The following NFATC4 variants were observed in gnomAD, a reference collection of about 807,000 sequenced individuals.
NFATC4 encodes nuclear factor of activated T-cells, cytoplasmic 4.
In NFATC4, 25 loss-of-function variants were observed where a neutral mutation model predicts 73.4. That is an observed-to-expected ratio of 0.34 (90% CI 0.25 to 0.48). The LOEUF is 0.48. Ranked by LOEUF, NFATC4 falls within the 20% of genes least tolerant of loss-of-function variation. NFATC4 has a pLI of 0.99. For synonymous variants in NFATC4, 523 were observed against 510.3 expected, an observed-to-expected ratio of 1.02 and a Z score of -0.34; for missense variants, 1,130 against 1,203.7, an observed-to-expected ratio of 0.94 and a Z score of 0.91.
chr14:24,368,563 T>C, intron 1 of NFATC4, 123 bp downstream of exon 1: 1 of 671,372 alleles, frequency 1.5e-6, no homozygotes, highest in Admixed American at 7.5e-5. Flanking sequence ...TCGAAGGGAG[T>C]CGGGGGGACT....
upstream of NFATC4, chr14:24,367,013 CG>C (rs2042326899): frequency 6.2e-7 from 1 of 1,610,264 alleles, no homozygotes; most frequent in East Asian, 2.2e-5. Context: ...ACTGGAGACG[CG>C]GCCTCTAAGA....
chr14:24,372,251 T>G, intron 2 of NFATC4, 190 bp from the exon 3 acceptor site: 6 of 619,056 alleles, frequency 9.7e-6, no homozygotes, highest in East Asian at 2.9e-5. Flanking sequence ...GATTTCTTCA[T>G]TTCTTTGTCC....
In NFATC4 at chr14:24,369,839, C is replaced by T. The variant is rs745627001; in HGVS notation, c.441C>T (p.Pro147=). The T allele has an allele frequency of 1.9e-6, 3 of 1,606,392 alleles. No homozygotes were observed. The highest frequency in any genetic ancestry group is 1.1e-5 in the South Asian group (1 of 90,258). ...AWGDGSPRDY[P]PPEGFGGYRE... ...GGGACGGCTCTCCTAGAGATTACCC[C>T]CCACCAGAAGGCTTTGGGGGCTACA... The change falls in exon 2 of 10, where the codon CCC becomes CCT. Residue 147 remains proline, a synonymous_variant. Transcript: ENST00000250373.
chr14:24,372,301 C>T, intron 2 of NFATC4, 140 bp from the exon 3 acceptor site: 6 of 875,202 alleles, frequency 6.9e-6, no homozygotes, highest in East Asian at 5.4e-5. Flanking sequence ...CCCTTCTTTT[C>T]ACAAGTGTTA....
intron 1 of NFATC4, 75 bp downstream of exon 1, chr14:24,368,515 G>T (rs1294266635): frequency 2.6e-5 from 32 of 1,238,176 alleles, no homozygotes. Context: ...GGGAATTTAA[G>T]GCAGCGAGCC....
chr14:24,374,083 G>A (rs1229455399), intron 5 of NFATC4: 1 of 882,578 alleles, frequency 1.1e-6, no homozygotes, highest in Non-Finnish European at 1.8e-6. Flanking sequence ...CTATTCCTGG[G>A]GTGCCCTGTG....
At chr14:24,367,240 G>A, upstream of NFATC4, 1 of 1,612,824 alleles carries the variant, frequency 6.2e-7, no homozygotes. Flanking sequence ...CCTGTTGGGG[G>A]CGGGGGGGCC....
upstream of NFATC4, chr14:24,368,008 G>C: frequency 1.8e-6 from 2 of 1,107,326 alleles, no homozygotes; most frequent in Non-Finnish European, 2.2e-6. Context: ...TTTTTTTTGA[G>C]GGGGAGGGAC....
chr14:24,377,697 C>T lies in NFATC4; in HGVS notation c.2701C>T (p.Pro901Ser), dbSNP rs776969426. The change falls in exon 10 of 10, where the codon CCT becomes TCT. Residue 901 changes from proline to serine, a missense_variant. Around this residue, in one of 3 missense-constraint regions of NFATC4, gnomAD observed 390 missense variants for 408.1 expected, o/e 0.96. Coordinates refer to ENST00000250373, the MANE Select transcript of NFATC4 (RefSeq NM_004554.5). This position sits in a 1 kb window ranked among gnomAD's most constrained non-coding sequence, Gnocchi z 4.2. Reference sequence around the variant, plus strand: ...CCCTGCACCTCCTGGAGAAGAGCCTCCTGCCTGAACCACGTGAACTGTCAT... The same window carrying T: ...CCCTGCACCTCCTGGAGAAGAGCCTTCTGCCTGAACCACGTGAACTGTCAT... ...GFPAPPGEEP[P>S]A is the part of the protein sequence containing the mutation. 8 of 1,614,090 alleles carry T rather than the reference C, an allele frequency of 5.0e-6. No individual in the cohort carries two copies. The Admixed American group carries it at 1.2e-4, about 24-fold the overall frequency.
chr14:24,376,602 A>C lies in NFATC4; in HGVS notation c.2365A>C (p.Ser789Arg), dbSNP rs1231078377. 1.1e-5 allele frequency: 18 copies of C among 1,613,412 alleles called. No homozygotes were observed. The highest frequency in any genetic ancestry group is 1.3e-5 in the Non-Finnish European group (15 of 1,179,852). ...AVSFLPRPFP[S>R]DPYGGRGSSF... ...TTCCTTCCTTCCCCGCCCCTTCCCTAGTGACCCGTATGGAGGGCGGGGCTC... is the reference window on the plus strand; with the variant it reads ...TTCCTTCCTTCCCCGCCCCTTCCCTCGTGACCCGTATGGAGGGCGGGGCTC... The change falls in exon 9 of 10, where the codon AGT (serine) becomes CGT (arginine). Residue 789 changes from serine (S) to arginine (R), a missense_variant. This residue lies in a region of NFATC4 where 390 missense variants were observed against 408.1 expected (regional missense o/e 0.96). Coordinates refer to ENST00000250373, the MANE Select transcript of NFATC4 (RefSeq NM_004554.5). This position sits in a 1 kb window ranked among gnomAD's most constrained non-coding sequence, Gnocchi z 5.0.
At chr14:24,367,082 C>G, upstream of NFATC4, 1 of 1,613,950 alleles carries the variant, frequency 6.2e-7, no homozygotes. Flanking sequence ...ATCTCTCCTA[C>G]CCGCCAGCCT....
chr14:24,369,012 A>T (rs2042387514), intron 1 of NFATC4: 1 of 1,197,970 alleles, frequency 8.3e-7, no homozygotes, highest in East Asian at 4.6e-5. Context: ...CCGCCCCTAG[A>T]TGGCGAGGAG....
intron 2 of NFATC4, 148 bp from the exon 3 acceptor site, chr14:24,372,293 C>A: frequency 1.2e-6 from 1 of 834,956 alleles, no homozygotes; most frequent in Non-Finnish European, 1.8e-6. Context: ...TCTTTTTTCC[C>A]TTCTTTTCAC....
chr14:24,373,516 AGGACTTTT>A lies in NFATC4; in HGVS notation c.1559+149_1559+156del. The A allele has an allele frequency of 1.5e-6, 2 of 1,361,966 alleles. No homozygotes were observed. Among genetic ancestry groups the A allele is most frequent in the South Asian group, 2.8e-5 (2 of 72,108 alleles). The allele number at this position is 1,361,966 out of a possible 1,614,324, so 84.4% of individuals were successfully genotyped here. On this transcript the variant is annotated intron_variant, in intron 4 of 9. Coordinates refer to ENST00000250373, the MANE Select transcript of NFATC4 (RefSeq NM_004554.5). This position sits in a 1 kb window ranked among gnomAD's most constrained non-coding sequence, Gnocchi z 4.7. The stretch of plus-strand genomic sequence containing the variant: ...TTCAGGCCTACCCACCATCTGGAAG[AGGACTTTT>A]GGGGTTGGGGGTACCCCAGAGAGGC...
At chr14:24,369,081 C>A (rs2042389105) in intron 1 of NFATC4, 1 of 1,417,782 alleles carries the variant, frequency 7.1e-7, no homozygotes, top group South Asian at 1.5e-5. Flanking sequence ...CCCCTCTGGC[C>A]ACGGTTGCGA....
intron 3 of NFATC4, 91 bp downstream of exon 3, chr14:24,372,694 C>T: frequency 6.6e-7 from 1 of 1,519,486 alleles, no homozygotes; most frequent in Non-Finnish European, 9.0e-7. Flanking sequence ...TTCCCACACT[C>T]CCTCTCAGCT....
At chr14:24,368,583 G>A in intron 1 of NFATC4, 143 bp downstream of exon 1, 1 of 851,396 alleles carries the variant, frequency 1.2e-6, no homozygotes, top group Non-Finnish European at 1.5e-6. Context: ...TCGTTGGCCT[G>A]CGGAAGTGAG....
Position 24,373,440 on chromosome 14 carries a change from C to G in NFATC4, c.1559+70C>G. On this transcript the variant is annotated intron_variant, in intron 4 of 9. Coordinates refer to ENST00000250373, the MANE Select transcript of NFATC4 (RefSeq NM_004554.5). The surrounding 1 kb of genome is among the most constrained non-coding windows in gnomAD (Gnocchi z 4.7). ...GCTTTCTCCACTGGGCCTATGCTAG[C>G]CCACTTCTTCCTTTTCCCAGAAGAG... 6.5e-7 allele frequency: 1 copy of G among 1,536,304 alleles called. No individual in the cohort carries two copies.
chr14:24,374,131 C>A, intron 5 of NFATC4, 195 bp from the exon 6 acceptor site: 1 of 898,766 alleles, frequency 1.1e-6, no homozygotes, highest in Non-Finnish European at 1.8e-6. Context: ...CCCTGTTTAA[C>A]CCTCTCTCTG....
Sources: allele counts gnomAD v4.1 joint callset, GRCh38; gene constraint gnomAD v4.1.1; regional missense constraint gnomAD v4.1.1; non-coding constraint Gnocchi (gnomAD v3.1); transcripts MANE v1.5; gene names NCBI Gene and HGNC (gene_info 2026-07-23, HGNC 2026-07-21).